Variants in PIK3R3 observed in about 807,000 individuals in gnomAD.
PIK3R3 encodes the protein phosphatidylinositol 3-kinase regulatory subunit gamma.
In PIK3R3, 64 loss-of-function variants were observed where a neutral mutation model predicts 62.9. That is an observed-to-expected ratio of 1.02 (90% CI 0.83 to 1.25). The LOEUF is 1.25. PIK3R3 is among the 50% of genes most tolerant of loss of function. PIK3R3 has a pLI of 0.00. For missense variants in PIK3R3, 614 were observed against 561.6 expected, an observed-to-expected ratio of 1.09 and a Z score of -0.94; for synonymous variants, 165 against 189.0, an observed-to-expected ratio of 0.87 and a Z score of 1.04.
At chr1:46,068,099 T>G (rs1219347762) in intron 3 of PIK3R3, among the ~76,000 whole-genome samples, 1 of 152,184 alleles carries the variant, frequency 6.6e-6, no homozygotes, top group Non-Finnish European at 1.5e-5. Flanking sequence ...TTGTAAAAGG[T>G]CAAACACAGT....
At chr1:46,076,801 A>G (rs1650105534) in intron 3 of PIK3R3, among the ~76,000 whole-genome samples, 1 of 152,184 alleles carries the variant, frequency 6.6e-6, no homozygotes, top group Non-Finnish European at 1.5e-5. Context: ...AATAATACCT[A>G]CCTCATAAGG....
intron 1 of PIK3R3, among the ~76,000 whole-genome samples, chr1:46,121,027 C>T (rs1166550980): frequency 6.6e-6 from 1 of 152,100 alleles, no homozygotes; most frequent in Non-Finnish European, 1.5e-5. Context: ...TTGCTACTAG[C>T]CTGAGGATGA....
rs1557643697 is a variant in PIK3R3 at position 46,132,306 on chromosome 1, G to A, written c.-354C>T. ...TCCCACCGCCTCCAAATCTTTCCGC[G>A]GAAGCCACTTTTGTGTCCTTCGAAG... On this transcript the variant is annotated 5_prime_UTR_variant, in exon 1 of 10. Coordinates refer to ENST00000262741, the MANE Select transcript of PIK3R3 (RefSeq NM_003629.4). The A allele has an allele frequency of 2.5e-5, 28 of 1,108,114 alleles. No homozygotes were observed. Among genetic ancestry groups the A allele is most frequent in the Non-Finnish European group, 3.1e-5 (28 of 902,706 alleles). The allele number at this position is 1,108,114 out of a possible 1,614,324, so 68.6% of individuals were successfully genotyped here.
chr1:46,050,879 G>T (rs1388793425), intron 7 of PIK3R3, among the ~76,000 whole-genome samples: 1 of 152,152 alleles, frequency 6.6e-6, no homozygotes, highest in Non-Finnish European at 1.5e-5. Context: ...CCATAAAAAG[G>T]AATGAAATAC....
At chr1:46,172,018 C>G in the PIK3R3 span, among the ~76,000 whole-genome samples, 1 of 152,134 alleles carries the variant, frequency 6.6e-6, no homozygotes, top group East Asian at 1.9e-4. Context: ...CTGCCAAACC[C>G]GATTTTCCAG....
At chr1:46,090,679 A>T (rs1651544354) in intron 1 of PIK3R3, among the ~76,000 whole-genome samples, 1 of 152,176 alleles carries the variant, frequency 6.6e-6, no homozygotes, top group African/African-American at 2.4e-5. Flanking sequence ...TTCACAATTA[A>T]ATTATATTAA....
intron 7 of PIK3R3, among the ~76,000 whole-genome samples, chr1:46,051,931 A>G (rs1163456177): frequency 1.3e-5 from 2 of 152,206 alleles, no homozygotes; most frequent in East Asian, 3.9e-4. Context: ...AGGTCAGGAG[A>G]TTGAGACCAT....
intron 5 of PIK3R3, among the ~76,000 whole-genome samples, chr1:46,062,565 A>G (rs112679024): frequency 0.037 from 4,888 of 131,388 alleles, 118 homozygotes; most frequent in Non-Finnish European, 0.054. Context: ...ACAGGGCAAG[A>G]CTTTGTCTCA....
At position 46,132,492 on chromosome 1, in the gene PIK3R3, G is replaced by C. The variant is rs1167096768; in HGVS notation, c.-540C>G. 2 of 1,210,612 alleles carry C rather than the reference G, an allele frequency of 1.7e-6. No homozygotes were observed. Among genetic ancestry groups the C allele is most frequent in the South Asian group, 1.5e-5 (1 of 68,340 alleles). 75.0% of individuals were successfully genotyped at this position (1,210,612 alleles called of 1,614,324 possible). A position where few individuals can be genotyped will look rare whatever the true frequency, so the allele number is the denominator to read the frequency against. On this transcript the variant is annotated 5_prime_UTR_variant, in exon 1 of 10. Transcript: ENST00000262741. Reference sequence around the variant, plus strand: ...AGGCCGGGACTCGGGCTCCTCTCCGGTCGGTCTCGGAACCGAAGCTGCCGC... The same window carrying C: ...AGGCCGGGACTCGGGCTCCTCTCCGCTCGGTCTCGGAACCGAAGCTGCCGC...
At chr1:46,133,327 G>C (rs993252560), upstream of PIK3R3, among the ~76,000 whole-genome samples, 1 of 152,264 alleles carries the variant, frequency 6.6e-6, no homozygotes, top group Admixed American at 6.5e-5. Flanking sequence ...CTGAGGCTTG[G>C]TCCGCCCGGA....
chr1:46,104,903 G>T, intron 1 of PIK3R3: 1 of 509,754 alleles, frequency 2.0e-6, no homozygotes, highest in Non-Finnish European at 3.5e-6. Context: ...ACTCCAGCCT[G>T]GGTGACAGAG....
At chr1:46,161,981 G>A in the PIK3R3 span, among the ~76,000 whole-genome samples, 160 of 151,180 alleles carry the variant, frequency 1.1e-3, no homozygotes, top group African/African-American at 3.6e-3. Context: ...AGTCCCAGCT[G>A]CTTGGGAGGC....
At chr1:46,116,980 T>C (rs916002193) in intron 1 of PIK3R3, among the ~76,000 whole-genome samples, 8 of 152,128 alleles carry the variant, frequency 5.3e-5, no homozygotes, top group Non-Finnish European at 1.2e-4. Context: ...GAAAATAACA[T>C]AAATCTCTAT....
At chr1:46,107,127 G>A (rs971968808) in intron 1 of PIK3R3, among the ~76,000 whole-genome samples, 4 of 152,236 alleles carry the variant, frequency 2.6e-5, no homozygotes, top group African/African-American at 7.2e-5. Flanking sequence ...AGGCCAAGGC[G>A]AGTGGATCAC....
intron 1 of PIK3R3, among the ~76,000 whole-genome samples, chr1:46,100,233 T>C (rs1230023631): frequency 6.6e-6 from 1 of 152,216 alleles, no homozygotes; most frequent in African/African-American, 2.4e-5. Context: ...CCTGCCCTAG[T>C]ATCATAAAAA....
chr1:46,067,006 C>T lies in PIK3R3; in HGVS notation c.400G>A (p.Val134Met). The change falls in exon 4 of 10, where the codon GTG (valine) becomes ATG (methionine). Residue 134 changes from valine to methionine, a missense_variant. Physicochemically the swap from Val to Met is conservative, Grantham distance 21. Transcript: ENST00000262741. ...TGGTGATAGTGGTTAATGAGCTCCA[C>T]CACGGAATTAAATGTCAGAGGATCA... Reference protein sequence around the residue: ...FSDPLTFNSVVELINHYHHES... With the variant: ...FSDPLTFNSVMELINHYHHES... 6.2e-7 allele frequency: 1 copy of T among 1,606,468 alleles called. No individual in the cohort carries two copies. Among genetic ancestry groups the T allele is most frequent in the Non-Finnish European group, 8.5e-7 (1 of 1,177,074 alleles).
chr1:46,043,746 A>T lies in PIK3R3; in HGVS notation c.1313T>A (p.Val438Asp). ...LVLHYQQTSL[V>D]QHNDSLNVRL... The stretch of plus-strand genomic sequence containing the variant: ...GACGTTGAGGGAGTCGTTGTGCTGA[A>T]CCAAGGATGTCTGCTGGTAATGGAG... The change falls in exon 10 of 10, where the codon GTT (valine) becomes GAT (aspartate). Residue 438 changes from valine (V) to aspartate (D), a missense_variant. Val to Asp is a radical substitution (Grantham distance 152). Coordinates refer to ENST00000262741, the MANE Select transcript of PIK3R3 (RefSeq NM_003629.4). 1 of 1,614,212 alleles carries T rather than the reference A, an allele frequency of 6.2e-7. No homozygotes were observed.
upstream of PIK3R3, among the ~76,000 whole-genome samples, chr1:46,136,751 AAAG>A (rs574741274): frequency 1.8e-3 from 280 of 152,324 alleles, 1 homozygote; most frequent in Non-Finnish European, 3.0e-3. Flanking sequence ...AGGGGTAACA[AAAG>A]AAGCAAATCT....
chr1:46,108,888 G>A (rs985573684), intron 1 of PIK3R3, among the ~76,000 whole-genome samples: 3 of 152,132 alleles, frequency 2.0e-5, no homozygotes, highest in South Asian at 2.1e-4. Flanking sequence ...GGCCAGGCGC[G>A]GTGGCTCACG....
Sources: gnomAD v4.1 joint callset for allele counts (sites outside exome capture counted in the v4.1 genomes callset) on GRCh38, gnomAD v4.1.1 for gene constraint, MANE v1.5 for transcripts, NCBI Gene and HGNC (gene_info 2026-07-23, HGNC 2026-07-21) for gene names.